The following NPHS2 variants were observed in gnomAD, a reference collection of about 807,000 sequenced individuals.
The protein encoded by NPHS2 is podocin.
In NPHS2, 36 loss-of-function variants were observed where a neutral mutation model predicts 37.1. The ratio of observed to expected loss-of-function variants is 0.97; its 90% CI spans 0.74 to 1.28. NPHS2 has a LOEUF of 1.28. NPHS2 is among the 50% of genes most tolerant of loss of function. The pLI is 0.00. For synonymous variants in NPHS2, 196 were observed against 189.3 expected (o/e 1.04, Z -0.29); for missense variants, 447 against 488.1 (o/e 0.92, Z 0.79).
At chr1:179,562,111 T>C (rs902511058) in intron 2 of NPHS2, among the ~76,000 whole-genome samples, 1 of 152,178 alleles carries the variant, frequency 6.6e-6, no homozygotes, top group South Asian at 2.1e-4. Context: ...CCAGCCTCAA[T>C]TGGATTTTAA....
rs758242203 is a variant in NPHS2, at chr1:179,552,597, G to A, written c.873+6C>T. 4.3e-6 allele frequency: 7 copies of A among 1,612,386 alleles called. No homozygotes were observed. In the East Asian group the frequency reaches 1.1e-4, roughly 26 times the overall value. ...GGCAGTCTGGGTGGGAGGATGGAGTGCTCACCCGCACTTTGGCTTGTCTTT... is the reference window on the plus strand; with the variant it reads ...GGCAGTCTGGGTGGGAGGATGGAGTACTCACCCGCACTTTGGCTTGTCTTT... On this transcript the variant is annotated splice_donor_region_variant and intron_variant, in intron 7 of 7. Coordinates refer to ENST00000367615, the MANE Select transcript of NPHS2 (RefSeq NM_014625.4).
Position 179,557,040 on chromosome 1 carries a change from G to A in NPHS2, c.725C>T (p.Ala242Val), listed in dbSNP as rs61747727. The A allele has an allele frequency of 3.7e-3, 6,016 of 1,613,414 alleles. 209 individuals carry two copies. The African/African-American group carries it at 0.071, about 19-fold the overall frequency. The change falls in exon 5 of 8, where the codon GCC (alanine) becomes GTC (valine). Residue 242 changes from alanine to valine, a missense_variant. Coordinates refer to ENST00000367615, the MANE Select transcript of NPHS2 (RefSeq NM_014625.4). ...TEILLERKSIAQDAKVALDSV... is the reference protein window; with the variant it reads ...TEILLERKSIVQDAKVALDSV... ...TTATCTAAGTACCTTTGCATCTTGGGCGATGCTCTTCCTCTCTAGAAGAAT... is the reference window on the plus strand; with the variant it reads ...TTATCTAAGTACCTTTGCATCTTGGACGATGCTCTTCCTCTCTAGAAGAAT...
Position 179,564,915 on chromosome 1 carries a change from T to C in NPHS2, c.275-122A>G, listed in dbSNP as rs556072223. 7.5e-6 allele frequency: 6 copies of C among 800,218 alleles called. No individual in the cohort carries two copies. In the East Asian group the frequency reaches 1.4e-4, roughly 18 times the overall value. 49.6% of individuals were successfully genotyped at this position (800,218 alleles called of 1,614,324 possible). On this transcript the variant is annotated intron_variant, in intron 1 of 7. Transcript: ENST00000367615. ...CAACTTGGAGACTTTGCTGGAAATATTAGAATAAGTCAAATCAGAGTAGTC... is the reference window on the plus strand; with the variant it reads ...CAACTTGGAGACTTTGCTGGAAATACTAGAATAAGTCAAATCAGAGTAGTC...
At chr1:179,563,615 T>TATATTA (rs1674228697) in intron 2 of NPHS2, among the ~76,000 whole-genome samples, 1 of 152,202 alleles carries the variant, frequency 6.6e-6, no homozygotes, top group Non-Finnish European at 1.5e-5. Flanking sequence ...TAACATAAAG[T>TATATTA]GTATTCTCTT....
intron 1 of NPHS2, among the ~76,000 whole-genome samples, chr1:179,566,483 G>C (rs565459680): frequency 2.2e-3 from 335 of 152,314 alleles, no homozygotes; most frequent in African/African-American, 7.6e-3. Context: ...CAGATGGGTA[G>C]ATTGCAAAAA....
chr1:179,570,485 G>C (rs994535412), intron 1 of NPHS2, among the ~76,000 whole-genome samples: 4 of 152,230 alleles, frequency 2.6e-5, no homozygotes, highest in African/African-American at 9.7e-5. Context: ...GGCACAGATC[G>C]CTCATGCTAT....
rs571849554 is a variant in NPHS2 at position 179,558,642 on chromosome 1, T to C, written c.534+1037A>G. 2.6e-5 allele frequency among the ~76,000 whole-genome samples: 4 copies of C among 152,280 alleles called. No homozygotes were observed. The East Asian group carries it at 5.8e-4, about 22-fold the overall frequency. Reference sequence around the variant, plus strand: ...CATACAGTAATTCTATTCTTAATTTTTTGAGGAGCTGCTCTACTGTTTTCT... The same window carrying C: ...CATACAGTAATTCTATTCTTAATTTCTTGAGGAGCTGCTCTACTGTTTTCT... On this transcript the variant is annotated intron_variant, in intron 4 of 7. Coordinates refer to ENST00000367615, the MANE Select transcript of NPHS2 (RefSeq NM_014625.4).
intron 1 of NPHS2, 40 bp downstream of exon 1, chr1:179,575,551 C>A: frequency 6.3e-7 from 1 of 1,599,082 alleles, no homozygotes; most frequent in South Asian, 1.1e-5. Context: ...CCCTTAGTTA[C>A]CACCTGGAAA....
rs1419653601 is a variant in NPHS2, at chr1:179,552,830, G to A, written c.795-149C>T. 13 of 695,470 alleles carry A rather than the reference G, an allele frequency of 1.9e-5. No homozygotes were observed. In the East Asian group the frequency reaches 3.5e-4, roughly 19 times the overall value. 43.1% of individuals were successfully genotyped at this position (695,470 alleles called of 1,614,324 possible). On this transcript the variant is annotated intron_variant, in intron 6 of 7. Coordinates refer to ENST00000367615, the MANE Select transcript of NPHS2 (RefSeq NM_014625.4). ...AGTGTGCCATTCCTAGACTTCTGAG[G>A]TCAAAAGTAGGCAGATCTCCAAGGT...
chr1:179,552,744 C>T lies in NPHS2; in HGVS notation c.795-63G>A, dbSNP rs1673499571. The T allele has an allele frequency of 5.6e-6, 7 of 1,260,796 alleles. No individual in the cohort carries two copies. In the South Asian group the frequency reaches 8.7e-5, roughly 16 times the overall value. The allele number at this position is 1,260,796 out of a possible 1,614,324, so 78.1% of individuals were successfully genotyped here. On this transcript the variant is annotated intron_variant, in intron 6 of 7. Coordinates refer to ENST00000367615, the MANE Select transcript of NPHS2 (RefSeq NM_014625.4). ...CATGATTTAGGGGCCAAAGCTTTCA[C>T]ACAGACTTGCAAGCCTCTCTACTGC...
chr1:179,558,546 T>A (rs1674020247), intron 4 of NPHS2, among the ~76,000 whole-genome samples: 1 of 152,190 alleles, frequency 6.6e-6, no homozygotes, highest in Non-Finnish European at 1.5e-5. Flanking sequence ...ATGAACACAG[T>A]TGTATAAATA....
intron 3 of NPHS2, 146 bp downstream of exon 3, chr1:179,561,143 A>AAGG (rs377731987): frequency 4.0e-6 from 3 of 757,640 alleles, no homozygotes; most frequent in Admixed American, 1.9e-5. Flanking sequence ...ATATTTGAAT[A>AAGG]ACCTATAAGT....
At position 179,575,606 on chromosome 1, in the gene NPHS2, C is replaced by T. The variant is rs776016821; in HGVS notation, c.259G>A (p.Glu87Lys). The T allele has an allele frequency of 2.3e-5, 37 of 1,602,180 alleles. No individual in the cohort carries two copies. Among genetic ancestry groups the T allele is most frequent in the African/African-American group, 1.3e-5 (1 of 74,942 alleles). Reference protein sequence around the residue: ...GTEVVALLESERPEEGTKSSG... With the variant: ...GTEVVALLESKRPEEGTKSSG... ...GAATCCGTACCTTCCTCGGGCCGCT[C>T]GCTCTCCAACAGCGCCACCACCTCG... The change falls in exon 1 of 8, where the codon GAG (glutamate) becomes AAG (lysine). Residue 87 changes from glutamate to lysine, a missense_variant. Coordinates refer to ENST00000367615, the MANE Select transcript of NPHS2 (RefSeq NM_014625.4).
At chr1:179,564,454 G>A (rs141850679) in intron 2 of NPHS2, among the ~76,000 whole-genome samples, 1 of 152,222 alleles carries the variant, frequency 6.6e-6, no homozygotes, top group African/African-American at 2.4e-5. Context: ...CAAAGTGAAA[G>A]CAGAGTGACA....
In NPHS2 at chr1:179,551,105, G is replaced by C. The variant is rs1673183564; in HGVS notation, c.*68C>G. 1 of 1,595,458 alleles carries C rather than the reference G, an allele frequency of 6.3e-7. No individual in the cohort carries two copies. Among genetic ancestry groups the C allele is most frequent in the Non-Finnish European group, 8.6e-7 (1 of 1,165,006 alleles). Reference sequence around the variant, plus strand: ...AGGAAGGGCAGGGAATGAGGACAGAGTGTCTCCCTCAGGCATGTGACTTTT... The same window carrying C: ...AGGAAGGGCAGGGAATGAGGACAGACTGTCTCCCTCAGGCATGTGACTTTT... On this transcript the variant is annotated 3_prime_UTR_variant, in exon 8 of 8. Transcript: ENST00000367615.
At chr1:179,555,065 C>T (rs1413916245) in intron 5 of NPHS2, among the ~76,000 whole-genome samples, 3 of 152,164 alleles carry the variant, frequency 2.0e-5, no homozygotes, top group Admixed American at 1.3e-4. Flanking sequence ...GGCAAGGAAA[C>T]GGATTCTCCT....
intron 1 of NPHS2, among the ~76,000 whole-genome samples, chr1:179,572,782 C>T (rs1425105217): frequency 2.0e-5 from 3 of 151,310 alleles, no homozygotes; most frequent in South Asian, 2.1e-4. Context: ...TTCCCTTCCT[C>T]CCTCCTTCCC....
intron 5 of NPHS2, 198 bp from the exon 6 acceptor site, chr1:179,554,729 A>G: frequency 1.5e-6 from 1 of 686,108 alleles, no homozygotes; most frequent in Admixed American, 2.4e-5. Context: ...ATATCTGTGC[A>G]ATTGAAGATG....
intron 7 of NPHS2, 160 bp downstream of exon 7, chr1:179,552,443 A>G: frequency 1.5e-6 from 1 of 676,570 alleles, no homozygotes; most frequent in South Asian, 1.6e-5. Context: ...TCAGGGGACT[A>G]TTAACACACT....
Sources: allele counts gnomAD v4.1 joint callset (sites outside exome capture counted in the v4.1 genomes callset), GRCh38; gene constraint gnomAD v4.1.1; transcripts MANE v1.5; gene names NCBI Gene and HGNC (gene_info 2026-07-23, HGNC 2026-07-21).